Variants in BRINP3 observed in about 807,000 individuals in gnomAD.
The protein encoded by BRINP3 is BMP/retinoic acid inducible neural specific 3.
In BRINP3, 19 loss-of-function variants were observed where a neutral mutation model predicts 71.0. That is an observed-to-expected ratio of 0.27 (90% CI 0.19 to 0.39). The LOEUF (loss-of-function observed/expected upper bound fraction) is 0.39, where lower values mean the gene tolerates loss of function less well. BRINP3 is among the 10% of genes least tolerant of loss of function. The pLI is 1.00. For synonymous variants in BRINP3, 380 were observed against 337.7 expected, an observed-to-expected ratio of 1.13 and a Z score of -1.37; for missense variants, 959 against 940.8, an observed-to-expected ratio of 1.02 and a Z score of -0.25.
At chr1:190,381,590 G>A (rs1670553443) in intron 2 of BRINP3, among the ~76,000 whole-genome samples, 1 of 152,046 alleles carries the variant, frequency 6.6e-6, no homozygotes, top group Admixed American at 6.6e-5. Flanking sequence ...ATGACCTTAA[G>A]TTTTCCCCTT....
chr1:190,200,883 T>C (rs1489283637), intron 6 of BRINP3, among the ~76,000 whole-genome samples: 1 of 152,136 alleles, frequency 6.6e-6, no homozygotes, highest in Non-Finnish European at 1.5e-5. Flanking sequence ...GGTGGACTTA[T>C]AAGTCCAATT....
At chr1:190,333,626 T>G (rs1667103504) in intron 2 of BRINP3, among the ~76,000 whole-genome samples, 1 of 151,932 alleles carries the variant, frequency 6.6e-6, no homozygotes, top group Non-Finnish European at 1.5e-5. Flanking sequence ...TACACTATTT[T>G]TATCACTCTA....
At chr1:190,302,916 A>G (rs1318258611) in intron 2 of BRINP3, 15 of 151,904 alleles carry the variant, frequency 9.9e-5, no homozygotes, top group African/African-American at 3.6e-4. Context: ...AATGATGATA[A>G]TAATAATAAT....
At chr1:190,314,440 G>T (rs1665745592) in intron 2 of BRINP3, among the ~76,000 whole-genome samples, 1 of 151,996 alleles carries the variant, frequency 6.6e-6, no homozygotes, top group African/African-American at 2.4e-5. Flanking sequence ...TTAACTAGGT[G>T]GGCTCAATAT....
intron 2 of BRINP3, among the ~76,000 whole-genome samples, chr1:190,297,451 T>C (rs537541169): frequency 1.3e-3 from 196 of 152,238 alleles, no homozygotes; most frequent in African/African-American, 4.0e-3. Flanking sequence ...GAAAAGCTCC[T>C]TGTTTACAAC....
At chr1:190,459,300 A>G (rs1485786125) in intron 1 of BRINP3, among the ~76,000 whole-genome samples, 1 of 151,604 alleles carries the variant, frequency 6.6e-6, no homozygotes, top group Admixed American at 6.6e-5. Context: ...CATAAATAAT[A>G]TGTGTATAAT....
chr1:190,203,947 T>C (rs1655265393), intron 6 of BRINP3, among the ~76,000 whole-genome samples: 1 of 150,840 alleles, frequency 6.6e-6, no homozygotes, highest in South Asian at 2.1e-4. Flanking sequence ...AGACCATATA[T>C]ATTGTAGATT....
intron 2 of BRINP3, among the ~76,000 whole-genome samples, chr1:190,444,979 CGTCA>C (rs1462671546): frequency 6.6e-6 from 1 of 151,856 alleles, no homozygotes; most frequent in African/African-American, 2.4e-5. Flanking sequence ...TCACATATCA[CGTCA>C]GTAAGAGAAG....
intron 2 of BRINP3, among the ~76,000 whole-genome samples, chr1:190,321,658 A>G (rs1032385679): frequency 6.6e-6 from 1 of 152,248 alleles, no homozygotes; most frequent in South Asian, 2.1e-4. Flanking sequence ...TTTACTCATC[A>G]TCATTATTCA....
chr1:190,240,072 G>C (rs1658911463), intron 4 of BRINP3, among the ~76,000 whole-genome samples: 4 of 151,076 alleles, frequency 2.6e-5, no homozygotes, highest in Admixed American at 1.3e-4. Flanking sequence ...TTATTAGATA[G>C]ATAATAGACT....
At chr1:190,132,957 A>G (rs543859386) in intron 7 of BRINP3, among the ~76,000 whole-genome samples, 2 of 151,940 alleles carry the variant, frequency 1.3e-5, no homozygotes, top group African/African-American at 2.4e-5. Context: ...GGATCTGACA[A>G]CTCCTGCCAA....
intron 7 of BRINP3, among the ~76,000 whole-genome samples, chr1:190,109,363 A>G (rs1182155387): frequency 2.6e-5 from 4 of 152,208 alleles, no homozygotes; most frequent in African/African-American, 4.8e-5. Context: ...GTCATTCTGG[A>G]CATAGTTTAC....
intron 2 of BRINP3, among the ~76,000 whole-genome samples, chr1:190,317,951 C>T (rs1363798714): frequency 6.6e-6 from 1 of 151,974 alleles, no homozygotes; most frequent in Non-Finnish European, 1.5e-5. Context: ...AGGCAAAATT[C>T]GTGTGTAAGC....
intron 2 of BRINP3, among the ~76,000 whole-genome samples, chr1:190,315,340 A>T (rs754591580): frequency 2.0e-5 from 3 of 152,082 alleles, no homozygotes; most frequent in Non-Finnish European, 1.5e-5. Context: ...TGGTGTTCCC[A>T]AGGAGGAAAT....
chr1:190,276,554 G>GACACAC (rs150589288), intron 3 of BRINP3, among the ~76,000 whole-genome samples: 8 of 145,766 alleles, frequency 5.5e-5, no homozygotes, highest in African/African-American at 2.0e-4. Context: ...TTCTTTAAAA[G>GACACAC]ACACACACAC....
chr1:190,351,433 T>C (rs1447507866), intron 2 of BRINP3, among the ~76,000 whole-genome samples: 1 of 152,148 alleles, frequency 6.6e-6, no homozygotes, highest in African/African-American at 2.4e-5. Context: ...TTATGAATAT[T>C]TATAAATTCA....
chr1:190,120,583 C>T (rs983073738), intron 7 of BRINP3, among the ~76,000 whole-genome samples: 1 of 151,958 alleles, frequency 6.6e-6, no homozygotes, highest in African/African-American at 2.4e-5. Context: ...GCCACCTCCG[C>T]CTCCCGGGTT....
At chr1:190,228,098 G>C (rs1015129844) in intron 5 of BRINP3, among the ~76,000 whole-genome samples, 1 of 151,880 alleles carries the variant, frequency 6.6e-6, no homozygotes, top group Non-Finnish European at 1.5e-5. Flanking sequence ...TTTGATCTAA[G>C]GCAAGTAAAA....
intron 7 of BRINP3, among the ~76,000 whole-genome samples, chr1:190,136,508 C>T (rs1218088223): frequency 6.6e-6 from 1 of 152,114 alleles, no homozygotes; most frequent in African/African-American, 2.4e-5. Flanking sequence ...CAGTATACTG[C>T]TCACCTTCTT....
Sources: allele counts gnomAD v4.1 joint callset (sites outside exome capture counted in the v4.1 genomes callset), GRCh38; gene constraint gnomAD v4.1.1; transcripts MANE v1.5; gene names NCBI Gene and HGNC (gene_info 2026-07-23, HGNC 2026-07-21).